The following INVS variants were observed in gnomAD, a reference collection of about 807,000 sequenced individuals.
INVS encodes the protein inversin, also known as inversion of embryo turning homolog.
Under a neutral mutation model 108.8 loss-of-function variants are expected in INVS, and 86 were observed. The ratio of observed to expected loss-of-function variants is 0.79; its 90% CI spans 0.66 to 0.95. The LOEUF (loss-of-function observed/expected upper bound fraction) is 0.95. INVS is among the 40% of genes least tolerant of loss of function. The probability of loss-of-function intolerance (pLI) is 0.00; values close to 1 mark genes in which losing one functional copy is unlikely to be tolerated. For missense variants in INVS, 1,169 were observed against 1,297.4 expected (o/e 0.90, Z 1.52); for synonymous variants, 455 against 473.5 (o/e 0.96, Z 0.51).
Position 100,146,190 on chromosome 9 carries a change from C to T in INVS, c.273+19641C>T, listed in dbSNP as rs533027576. 9.2e-5 allele frequency among the ~76,000 whole-genome samples: 14 copies of T among 152,236 alleles called. No homozygotes were observed. In the South Asian group the frequency reaches 2.9e-3, roughly 32 times the overall value. ...CAAGGCTGTTTATTTCACCTGGGTG[C>T]AGGCGGGCTGAGTCTGAAAAGAGAG... On this transcript the variant is annotated intron_variant, in intron 3 of 16. Coordinates refer to ENST00000262457, the MANE Select transcript of INVS (RefSeq NM_014425.5).
intron 3 of INVS, among the ~76,000 whole-genome samples, chr9:100,192,248 A>T (rs1289013445): frequency 1.0e-4 from 15 of 144,916 alleles, no homozygotes; most frequent in East Asian, 2.0e-4. Context: ...GGGAAAAAAG[A>T]GTGTGTGTGT....
At chr9:100,103,770 C>G (rs2118816830) in intron 1 of INVS, among the ~76,000 whole-genome samples, 1 of 152,052 alleles carries the variant, frequency 6.6e-6, no homozygotes, top group African/African-American at 2.4e-5. Context: ...AGGCTGGTCT[C>G]AAACTCCTGG....
intron 3 of INVS, among the ~76,000 whole-genome samples, chr9:100,131,357 A>G (rs569951869): frequency 2.4e-4 from 37 of 152,276 alleles, no homozygotes; most frequent in African/African-American, 8.4e-4. Flanking sequence ...AACTTATTGA[A>G]CTGTGCTGCT....
chr9:100,157,545 G>A (rs1428519465), intron 3 of INVS, among the ~76,000 whole-genome samples: 5 of 151,974 alleles, frequency 3.3e-5, no homozygotes, highest in Admixed American at 1.3e-4. Context: ...GGATTACAGC[G>A]TGAGCCACCG....
intron 2 of INVS, among the ~76,000 whole-genome samples, chr9:100,119,346 A>G (rs1827651982): frequency 6.6e-6 from 1 of 152,214 alleles, no homozygotes; most frequent in Admixed American, 6.5e-5. Context: ...TTAATAAAGT[A>G]CTATATTAGG....
chr9:100,255,953 C>T (rs929680393), intron 10 of INVS, among the ~76,000 whole-genome samples: 2 of 152,194 alleles, frequency 1.3e-5, no homozygotes. Flanking sequence ...AGGATTCCCT[C>T]TGTTTCTATT....
chr9:100,193,430 C>G (rs1830284153), intron 3 of INVS, among the ~76,000 whole-genome samples: 1 of 152,166 alleles, frequency 6.6e-6, no homozygotes, highest in African/African-American at 2.4e-5. Context: ...CATTGTGCCA[C>G]CATCCCCACT....
chr9:100,110,512 G>A lies in INVS; in HGVS notation c.106+5885G>A, dbSNP rs180724046. Among the ~76,000 whole-genome samples the A allele has an allele frequency of 1.4e-4, 21 of 152,252 alleles. No homozygotes were observed. In the East Asian group the frequency reaches 3.5e-3, roughly 25 times the overall value. ...TGAGAAAGATAAGAAAGAAAGAACC[G>A]ATTAGGTGTGAACCTTGCATGATGA... On this transcript the variant is annotated intron_variant, in intron 2 of 16. Transcript: ENST00000262457.
At chr9:100,261,627 C>T (rs947086749) in intron 10 of INVS, among the ~76,000 whole-genome samples, 6 of 152,174 alleles carry the variant, frequency 3.9e-5, no homozygotes, top group Admixed American at 3.9e-4. Context: ...CAGTTTTTTA[C>T]ATAAGTAGAA....
intron 11 of INVS, among the ~76,000 whole-genome samples, chr9:100,271,320 T>C (rs1832947935): frequency 6.6e-6 from 1 of 152,264 alleles, no homozygotes; most frequent in Non-Finnish European, 1.5e-5. Context: ...TATTTATTCA[T>C]ATATAGCAGT....
At chr9:100,115,148 A>G (rs945826553) in intron 2 of INVS, among the ~76,000 whole-genome samples, 1 of 152,160 alleles carries the variant, frequency 6.6e-6, no homozygotes, top group African/African-American at 2.4e-5. Flanking sequence ...AGCCATTCTA[A>G]TAGATGTGCA....
At chr9:100,166,719 A>G (rs1184619297) in intron 3 of INVS, among the ~76,000 whole-genome samples, 1 of 152,224 alleles carries the variant, frequency 6.6e-6, no homozygotes, top group African/African-American at 2.4e-5. Context: ...AGATTTATCC[A>G]GAATGCAACC....
At chr9:100,300,453 C>T (rs1833931760) in intron 16 of INVS, 115 bp from the exon 17 acceptor site, 6 of 730,146 alleles carry the variant, frequency 8.2e-6, no homozygotes, top group African/African-American at 1.7e-5. Context: ...GTAAACTGGC[C>T]CATCATCCCA....
chr9:100,146,785 C>T (rs949716591), intron 3 of INVS, among the ~76,000 whole-genome samples: 1 of 152,098 alleles, frequency 6.6e-6, no homozygotes, highest in Admixed American at 6.5e-5. Context: ...CAATATATAG[C>T]TAACATATGG....
Position 100,117,155 on chromosome 9 carries a change from A to C in INVS, c.107-9228A>C, listed in dbSNP as rs1347028885. On this transcript the variant is annotated intron_variant, in intron 2 of 16. Transcript: ENST00000262457. ...GCCTCTGTGCACGGGGACAATGGAGAGCTTGGCCAGGATGATGGCCTTACG... is the reference window on the plus strand; with the variant it reads ...GCCTCTGTGCACGGGGACAATGGAGCGCTTGGCCAGGATGATGGCCTTACG... 2.4e-5 allele frequency: 29 copies of C among 1,220,218 alleles called. No individual in the cohort carries two copies. The Admixed American group carries it at 5.7e-4, about 24-fold the overall frequency. 75.6% of individuals were successfully genotyped at this position (1,220,218 alleles called of 1,614,324 possible). A position where few individuals can be genotyped will look rare whatever the true frequency, so the allele number is the denominator to read the frequency against.
chr9:100,181,256 AAG>A (rs1181737575), intron 3 of INVS, among the ~76,000 whole-genome samples: 2 of 152,166 alleles, frequency 1.3e-5, no homozygotes, highest in African/African-American at 4.8e-5. Context: ...CCTGTATTGG[AAG>A]TTCTGGCCAG....
chr9:100,220,148 G>A (rs947254952), intron 3 of INVS, among the ~76,000 whole-genome samples: 1 of 151,968 alleles, frequency 6.6e-6, no homozygotes, highest in Non-Finnish European at 1.5e-5. Context: ...AAAAAAAGGA[G>A]TTCATCTTAA....
chr9:100,296,952 A>T lies in INVS; in HGVS notation c.2822A>T (p.His941Leu), dbSNP rs886042226. 1 of 1,614,118 alleles carries T rather than the reference A, an allele frequency of 6.2e-7. No homozygotes were observed. The highest frequency in any genetic ancestry group is 1.3e-5 in the African/African-American group (1 of 75,024). The change falls in exon 15 of 17, where the codon CAT (histidine) becomes CTT (leucine). Residue 941 changes from histidine (H) to leucine (L), a missense_variant. Around this residue, in one of 3 missense-constraint regions of INVS, gnomAD observed 533 missense variants for 536.0 expected, o/e 0.99. Coordinates refer to ENST00000262457, the MANE Select transcript of INVS (RefSeq NM_014425.5). Reference protein sequence around the residue: ...QLRKHLSHLRHMKQLGAGDVD... With the variant: ...QLRKHLSHLRLMKQLGAGDVD... ...AGGAAGCACCTGTCCCACCTTCGGC[A>T]TATGAAGCAGCTTGGAGCTGGAGAT...
intron 3 of INVS, among the ~76,000 whole-genome samples, chr9:100,184,344 AAGTATATGTTGCATGTAACAGAG>A (rs1362247768): frequency 3.3e-5 from 5 of 152,154 alleles, no homozygotes; most frequent in Admixed American, 2.0e-4. Context: ...TATAAGAGAG[AAGTATATGTTGCATGTAACAGAG>A]AGTATATGTT....
Sources: allele counts gnomAD v4.1 joint callset (sites outside exome capture counted in the v4.1 genomes callset), GRCh38; gene constraint gnomAD v4.1.1; regional missense constraint gnomAD v4.1.1; transcripts MANE v1.5; gene names NCBI Gene and HGNC (gene_info 2026-07-23, HGNC 2026-07-21).